The following CNOT3 variants were observed in gnomAD, a reference collection of about 807,000 sequenced individuals.
The protein encoded by CNOT3 is CCR4-NOT transcription complex subunit 3, also known as CCR4-associated factor 3.
Under a neutral mutation model 89.4 loss-of-function variants are expected in CNOT3, and 2 were observed. That is an observed-to-expected ratio of 0.02 (90% CI 0.01 to 0.07). The LOEUF is 0.07. CNOT3 is among the 10% of genes least tolerant of loss of function. CNOT3 has a pLI of 1.00. For missense variants in CNOT3, 664 were observed against 1,010.2 expected (o/e 0.66, Z 4.65); for synonymous variants, 486 against 402.0 (o/e 1.21, Z -2.50).
rs768532413 is a variant in CNOT3 at position 54,145,561 on chromosome 19, C to G, written c.484-37C>G. 2.5e-5 allele frequency: 37 copies of G among 1,464,456 alleles called. No individual in the cohort carries two copies. Among genetic ancestry groups the G allele is most frequent in the Non-Finnish European group, 3.5e-5 (37 of 1,047,288 alleles). 90.7% of individuals were successfully genotyped at this position (1,464,456 alleles called of 1,614,324 possible). ...GGGCAGGAGGGGCCAAGCAGGTGCT[C>G]TGCAGCCCCTGAGCCTGGCCCTGGG... On this transcript the variant is annotated intron_variant, in intron 7 of 17. Transcript: ENST00000221232. The surrounding 1 kb of genome is among the most constrained non-coding windows in gnomAD (Gnocchi z 5.9).
In CNOT3 at chr19:54,148,291, C is replaced by T. The variant is rs750701546; in HGVS notation, c.1038C>T (p.Pro346=). The T allele has an allele frequency of 1.5e-5, 24 of 1,608,552 alleles. No homozygotes were observed. The highest frequency in any genetic ancestry group is 1.4e-4 in the South Asian group (13 of 90,530). The stretch of plus-strand genomic sequence containing the variant: ...CTGGCAACAATGGGGTCCCCGCCCC[C>T]GCAGCACCCCCAAGTGCCCTGGGCC... The part of the protein sequence containing the change: ...TTPGNNGVPA[P]AAPPSALGPK... Residue 346 remains proline (P), a synonymous_variant, in exon 11 of 18, where the codon CCC becomes CCT. Coordinates refer to ENST00000221232, the MANE Select transcript of CNOT3 (RefSeq NM_014516.4). This position sits in a 1 kb window ranked among gnomAD's most constrained non-coding sequence, Gnocchi z 6.3.
intron 16 of CNOT3, 181 bp from the exon 17 acceptor site, chr19:54,153,533 TC>T (rs1366636058): frequency 1.3e-6 from 1 of 779,114 alleles, no homozygotes; most frequent in Admixed American, 1.7e-5. Flanking sequence ...TGTCTCATTT[TC>T]CTTCTCCTGA....
At position 54,148,462 on chromosome 19, in the gene CNOT3, C is replaced by T. The variant is rs771917482; in HGVS notation, c.1209C>T (p.Ser403=). The change falls in exon 11 of 18, where the codon AGC becomes AGT. Residue 403 remains serine, a synonymous_variant. Coordinates refer to ENST00000221232, the MANE Select transcript of CNOT3 (RefSeq NM_014516.4). This position sits in a 1 kb window ranked among gnomAD's most constrained non-coding sequence, Gnocchi z 6.3. ...VQPSGGGGGG[S]GGGGSSSSSN... Reference sequence around the variant, plus strand: ...CTAGCGGAGGCGGAGGCGGCGGCAGCGGAGGCGGAGGGAGCAGCAGCAGTA... The same window carrying T: ...CTAGCGGAGGCGGAGGCGGCGGCAGTGGAGGCGGAGGGAGCAGCAGCAGTA... 4.5e-6 allele frequency: 7 copies of T among 1,560,874 alleles called. No homozygotes were observed. Among genetic ancestry groups the T allele is most frequent in the East Asian group, 4.6e-5 (2 of 43,902 alleles).
chr19:54,155,267 C>T (rs2075349789), intron 17 of CNOT3, 42 bp from the exon 18 acceptor site: 2 of 1,607,700 alleles, frequency 1.2e-6, no homozygotes, highest in Non-Finnish European at 1.7e-6. Context: ...GATCCCAGAC[C>T]ACCTCCTCGT....
chr19:54,139,998 T>G (rs893675177), intron 1 of CNOT3, among the ~76,000 whole-genome samples: 2 of 152,184 alleles, frequency 1.3e-5, no homozygotes, highest in African/African-American at 4.8e-5. Flanking sequence ...AGCTCCTTGC[T>G]GCAGAGGCGG....
chr19:54,148,470 G>C lies in CNOT3; in HGVS notation c.1217G>C (p.Gly406Ala). ...SGGGGGGSGG[G>A]GSSSSSNSSA... ...GGCGGAGGCGGCGGCAGCGGAGGCGGAGGGAGCAGCAGCAGTAGTAACAGC... is the reference window on the plus strand; with the variant it reads ...GGCGGAGGCGGCGGCAGCGGAGGCGCAGGGAGCAGCAGCAGTAGTAACAGC... The change falls in exon 11 of 18, where the codon GGA becomes GCA. Residue 406 changes from glycine (G) to alanine (A), a missense_variant. Coordinates refer to ENST00000221232, the MANE Select transcript of CNOT3 (RefSeq NM_014516.4). The surrounding 1 kb of genome is among the most constrained non-coding windows in gnomAD (Gnocchi z 6.3). 1.9e-6 allele frequency: 3 copies of C among 1,560,968 alleles called. No individual in the cohort carries two copies. Among genetic ancestry groups the C allele is most frequent in the Non-Finnish European group, 2.6e-6 (3 of 1,150,916 alleles).
In CNOT3 at chr19:54,153,727, C is replaced by G; in HGVS notation, c.2050C>G (p.Gln684Glu). Residue 684 changes from glutamine (Q) to glutamate (E), a missense_variant, in exon 17 of 18, where the codon CAG becomes GAG. Transcript: ENST00000221232. ...IFYYLEGTKAQYLAAKALKKQ... is the reference protein window; with the variant it reads ...IFYYLEGTKAEYLAAKALKKQ... ...GTTCCTCCCCCAGGGCACTAAGGCA[C>G]AGTATCTGGCAGCCAAGGCCCTAAA... 1 of 1,614,102 alleles carries G rather than the reference C, an allele frequency of 6.2e-7. No homozygotes were observed. Among genetic ancestry groups the G allele is most frequent in the Non-Finnish European group, 8.5e-7 (1 of 1,179,948 alleles).
chr19:54,151,161 T>A (rs587749204), intron 13 of CNOT3, among the ~76,000 whole-genome samples: 3 of 152,252 alleles, frequency 2.0e-5, no homozygotes, highest in Non-Finnish European at 4.4e-5. Flanking sequence ...AAACAGCAGC[T>A]TTGAGATTTT....
chr19:54,143,054 A>G (rs1481081892), intron 2 of CNOT3, 51 bp downstream of exon 2: 1 of 1,613,376 alleles, frequency 6.2e-7, no homozygotes. Context: ...CCCTCTTCTG[A>G]GGACTGCTCT....
chr19:54,139,860 C>A (rs587641019), intron 1 of CNOT3, among the ~76,000 whole-genome samples: 1 of 152,214 alleles, frequency 6.6e-6, no homozygotes, highest in South Asian at 2.1e-4. Context: ...TGGCATGGGG[C>A]ATCTCAGTGG....
At chr19:54,147,852 C>G (rs1432207527) in intron 10 of CNOT3, among the ~76,000 whole-genome samples, 9 of 152,210 alleles carry the variant, frequency 5.9e-5, no homozygotes, top group African/African-American at 1.9e-4. Context: ...TGGATCTTCT[C>G]TGGCTGACAA....
rs147131517 is a variant in CNOT3 at position 54,144,245 on chromosome 19, C to T, written c.396C>T (p.Ile132=). The T allele has an allele frequency of 3.2e-5, 51 of 1,613,994 alleles. No individual in the cohort carries two copies. The highest frequency in any genetic ancestry group is 5.0e-5 in the Admixed American group (3 of 60,006). Residue 132 remains isoleucine (I), a synonymous_variant, in exon 7 of 18, where the codon ATC becomes ATT. Transcript: ENST00000221232. The surrounding 1 kb of genome is among the most constrained non-coding windows in gnomAD (Gnocchi z 4.8). ...TCCTCTCCCTCCCCTAGAATACCAT[C>T]GACACGCTCAACATGCAGGTGGACC... ...EEVGQWLTNT[I]DTLNMQVDQF...
intron 1 of CNOT3, among the ~76,000 whole-genome samples, chr19:54,141,085 T>TG (rs1227249409): frequency 6.6e-6 from 1 of 152,170 alleles, no homozygotes; most frequent in Non-Finnish European, 1.5e-5. Context: ...GTTGGGGTGT[T>TG]GGACTTTGGT....
Position 54,146,675 on chromosome 19 carries a change from C to T in CNOT3, c.894+18C>T, listed in dbSNP as rs1484968828. ...TCAGCCAGGTGGGTGTGAGCCTGGA[C>T]CGGGTGGGCACGCCATTCACTCCTC... On this transcript the variant is annotated intron_variant, in intron 10 of 17. Coordinates refer to ENST00000221232, the MANE Select transcript of CNOT3 (RefSeq NM_014516.4). 7.0e-7 allele frequency: 1 copy of T among 1,419,062 alleles called. No individual in the cohort carries two copies. Among genetic ancestry groups the T allele is most frequent in the Non-Finnish European group, 1.0e-6 (1 of 1,001,890 alleles). 87.9% of individuals were successfully genotyped at this position (1,419,062 alleles called of 1,614,324 possible).
chr19:54,142,453 C>CA (rs1440264680), intron 1 of CNOT3: 3 of 222,556 alleles, frequency 1.3e-5, no homozygotes, highest in South Asian at 6.5e-5. Flanking sequence ...CACACACACG[C>CA]CCTTCTCTGT....
chr19:54,152,315 G>T lies in CNOT3; in HGVS notation c.1695G>T (p.Leu565=). The T allele has an allele frequency of 1.9e-6, 3 of 1,614,194 alleles. No homozygotes were observed. Among genetic ancestry groups the T allele is most frequent in the Non-Finnish European group, 2.5e-6 (3 of 1,180,014 alleles). ...AGGACCCTGTGCCAACGCTGCACCTGACCGAGCGAGGTGAGGGACCCAGGA... is the reference window on the plus strand; with the variant it reads ...AGGACCCTGTGCCAACGCTGCACCTTACCGAGCGAGGTGAGGGACCCAGGA... ...GIEDPVPTLH[L]TERDIILSST... is the part of the protein sequence containing the mutation. The change falls in exon 14 of 18, where the codon CTG becomes CTT. Residue 565 remains leucine (L), a synonymous_variant. Coordinates refer to ENST00000221232, the MANE Select transcript of CNOT3 (RefSeq NM_014516.4).
At position 54,148,418 on chromosome 19, in the gene CNOT3, C is replaced by CCGG. The variant is rs1262297859; in HGVS notation, c.1165_1166insCGG (p.Arg389delinsProGly). 1.3e-6 allele frequency: 2 copies of CCGG among 1,564,428 alleles called. No homozygotes were observed. Among genetic ancestry groups the CCGG allele is most frequent in the Non-Finnish European group, 1.7e-6 (2 of 1,153,376 alleles). ...CAGTGGGCCCAGCACGACCCAGCCCCGGCCCCCCAGCGTCCAGCCTAGCGG... is the reference window on the plus strand; with the variant it reads ...CAGTGGGCCCAGCACGACCCAGCCCCCGGGGCCCCCCAGCGTCCAGCCTAGCGG... On this transcript the variant is annotated protein_altering_variant, in exon 11 of 18. Transcript: ENST00000221232. This position sits in a 1 kb window ranked among gnomAD's most constrained non-coding sequence, Gnocchi z 6.3.
rs1477298134 is a variant in CNOT3, at chr19:54,151,809, ACCT to A, written c.1606-413_1606-411del. On this transcript the variant is annotated intron_variant, in intron 13 of 17. Transcript: ENST00000221232. ...CACAGGCAGACAGCTGAGCATGTAG[ACCT>A]CCTGCCTCCTTCAAGACAGGCGGGA... Among the ~76,000 whole-genome samples the A allele has an allele frequency of 3.3e-5, 5 of 152,110 alleles. No individual in the cohort carries two copies. In the South Asian group the frequency reaches 1.0e-3, roughly 32 times the overall value.
chr19:54,153,856 C>A lies in CNOT3; in HGVS notation c.2163+16C>A, dbSNP rs1018674729. Reference sequence around the variant, plus strand: ...GTTTGAGCAGGTGAGGGCCCCGCCCCCTCTCTTCCCGCTGCTAGGGTTGGG... The same window carrying A: ...GTTTGAGCAGGTGAGGGCCCCGCCCACTCTCTTCCCGCTGCTAGGGTTGGG... On this transcript the variant is annotated intron_variant, in intron 17 of 17. Coordinates refer to ENST00000221232, the MANE Select transcript of CNOT3 (RefSeq NM_014516.4). 1 of 1,614,094 alleles carries A rather than the reference C, an allele frequency of 6.2e-7. No individual in the cohort carries two copies. The highest frequency in any genetic ancestry group is 8.5e-7 in the Non-Finnish European group (1 of 1,179,942).
Sources: allele counts gnomAD v4.1 joint callset (sites outside exome capture counted in the v4.1 genomes callset), GRCh38; gene constraint gnomAD v4.1.1; non-coding constraint Gnocchi (gnomAD v3.1); transcripts MANE v1.5; gene names NCBI Gene and HGNC (gene_info 2026-07-23, HGNC 2026-07-21).